LSAMP: variants seen among roughly 807,000 people sequenced by gnomAD.
LSAMP encodes the protein limbic system associated membrane protein.
In LSAMP, 7 loss-of-function variants were observed where a neutral mutation model predicts 38.6. The observed-to-expected ratio is 0.18, with a 90% CI of 0.10 to 0.34. The LOEUF is 0.34. Among genes scored for constraint, LSAMP ranks in the 10% least tolerant of loss-of-function variants. The pLI is 1.00. For synonymous variants in LSAMP, 154 were observed against 166.8 expected (o/e 0.92, Z 0.59); for missense variants, 313 against 420.0 (o/e 0.75, Z 2.23).
At chr3:115,872,591 G>A (rs1194066978) in intron 3 of LSAMP, among the ~76,000 whole-genome samples, 1 of 152,088 alleles carries the variant, frequency 6.6e-6, no homozygotes, top group Non-Finnish European at 1.5e-5. Flanking sequence ...CCCGAGAATG[G>A]AAGAATGGAA....
intron 1 of LSAMP, among the ~76,000 whole-genome samples, chr3:116,155,623 G>T: frequency 9.0e-6 from 1 of 110,976 alleles, no homozygotes; most frequent in Non-Finnish European, 2.1e-5. Flanking sequence ...ATACAAGAGG[G>T]TGTGTGTGTG....
At chr3:116,321,169 G>A (rs1051785833) in intron 1 of LSAMP, among the ~76,000 whole-genome samples, 1 of 152,146 alleles carries the variant, frequency 6.6e-6, no homozygotes, top group Non-Finnish European at 1.5e-5. Context: ...AGGAGTTCAA[G>A]ATCAGCCTGG....
At chr3:115,891,047 T>C (rs16824248) in intron 3 of LSAMP, among the ~76,000 whole-genome samples, 24,510 of 151,926 alleles carry the variant, frequency 0.16, 2,053 homozygotes, top group Middle Eastern at 0.21. Flanking sequence ...TGTACTATAC[T>C]TCTGCCTTCT....
At chr3:115,928,704 A>G (rs62271120) in intron 3 of LSAMP, among the ~76,000 whole-genome samples, 1 of 152,158 alleles carries the variant, frequency 6.6e-6, no homozygotes, top group African/African-American at 2.4e-5. Flanking sequence ...GCTGTAAAGG[A>G]AAAGGGTGAG....
At chr3:116,226,872 C>T (rs1475511872) in intron 1 of LSAMP, among the ~76,000 whole-genome samples, 4 of 152,328 alleles carry the variant, frequency 2.6e-5, no homozygotes, top group South Asian at 2.1e-4. Context: ...GCTCCTCACA[C>T]GCCACCACTG....
chr3:115,987,879 G>A (rs1180749035), intron 3 of LSAMP, among the ~76,000 whole-genome samples: 1 of 152,168 alleles, frequency 6.6e-6, no homozygotes, highest in Admixed American at 6.5e-5. Flanking sequence ...TCATTTCACA[G>A]CTAAAGTTCT....
chr3:116,340,998 C>T (rs1377228380), intron 1 of LSAMP, among the ~76,000 whole-genome samples: 1 of 151,950 alleles, frequency 6.6e-6, no homozygotes, highest in African/African-American at 2.4e-5. Flanking sequence ...GATACAATTA[C>T]TTATGTGGCA....
At chr3:115,930,250 G>C (rs1384756192) in intron 3 of LSAMP, among the ~76,000 whole-genome samples, 3 of 151,932 alleles carry the variant, frequency 2.0e-5, no homozygotes, top group African/African-American at 4.8e-5. Flanking sequence ...TTATTTTTGA[G>C]AGTCAGAATG....
In LSAMP at chr3:115,808,019, AGAAGAAATT is replaced by A. The variant is rs1441194387; in HGVS notation, c.*2289_*2297del. 5.3e-5 allele frequency: 8 copies of A among 151,954 alleles called. No homozygotes were observed. The highest frequency in any genetic ancestry group is 1.9e-4 in the African/African-American group (8 of 41,398). 9.4% of individuals were successfully genotyped at this position (151,954 alleles called of 1,614,324 possible). A position where few individuals can be genotyped will look rare whatever the true frequency, so the allele number is the denominator to read the frequency against. ...TCTAAAACAAACAATAAAATCCCTT[AGAAGAAATT>A]GAAGAAATTAACAATGCTACTTAGA... On this transcript the variant is annotated 3_prime_UTR_variant, in exon 7 of 7. Transcript: ENST00000490035.
intron 6 of LSAMP, among the ~76,000 whole-genome samples, chr3:115,822,362 CTTTTT>C (rs57335228): frequency 1.7e-5 from 2 of 120,862 alleles, no homozygotes; most frequent in Non-Finnish European, 1.8e-5. Flanking sequence ...TTCTTTCCTT[CTTTTT>C]TTTTTTTTTT....
intron 2 of LSAMP, among the ~76,000 whole-genome samples, chr3:116,073,366 C>T (rs147842223): frequency 0.015 from 2,265 of 152,110 alleles, 38 homozygotes; most frequent in Non-Finnish European, 0.02. Context: ...CCAGCTTTAT[C>T]CTTTTTGCTT....
chr3:115,964,862 C>G (rs1284253078), intron 3 of LSAMP, among the ~76,000 whole-genome samples: 2 of 151,964 alleles, frequency 1.3e-5, no homozygotes, highest in Non-Finnish European at 1.5e-5. Flanking sequence ...CATAAAATCA[C>G]AAAACATTAT....
At chr3:115,863,877 T>C (rs1326629185) in intron 3 of LSAMP, among the ~76,000 whole-genome samples, 2 of 152,276 alleles carry the variant, frequency 1.3e-5, no homozygotes, top group Non-Finnish European at 2.9e-5. Context: ...TTTTTCTATT[T>C]CTGGCATAAG....
intron 3 of LSAMP, among the ~76,000 whole-genome samples, chr3:115,959,180 G>A (rs1438589848): frequency 2.0e-5 from 3 of 152,104 alleles, no homozygotes; most frequent in Non-Finnish European, 1.5e-5. Context: ...GCCACTAAGG[G>A]CTTCCTTCAG....
chr3:116,407,621 A>G (rs1485920156), intron 1 of LSAMP, among the ~76,000 whole-genome samples: 1 of 152,086 alleles, frequency 6.6e-6, no homozygotes, highest in Admixed American at 6.6e-5. Flanking sequence ...GGGTTGTTCA[A>G]TCTTAAGAAA....
rs1933615782 is a variant in LSAMP, at chr3:115,805,764, C to A, written c.*4553G>T. On this transcript the variant is annotated 3_prime_UTR_variant, in exon 7 of 7. Coordinates refer to ENST00000490035, the MANE Select transcript of LSAMP (RefSeq NM_002338.5). ...ACATGCAAATGAGAATAGTTTACTTCTTTTCTGCTAGTATGCACATAAATG... is the reference window on the plus strand; with the variant it reads ...ACATGCAAATGAGAATAGTTTACTTATTTTCTGCTAGTATGCACATAAATG... 6.6e-6 allele frequency: 1 copy of A among 152,150 alleles called. No homozygotes were observed. The highest frequency in any genetic ancestry group is 1.5e-5 in the Non-Finnish European group (1 of 68,018). 9.4% of individuals were successfully genotyped at this position (152,150 alleles called of 1,614,324 possible). A position where few individuals can be genotyped will look rare whatever the true frequency, so the allele number is the denominator to read the frequency against.
chr3:115,975,663 T>C (rs1405995272), intron 3 of LSAMP, among the ~76,000 whole-genome samples: 1 of 152,182 alleles, frequency 6.6e-6, no homozygotes, highest in Non-Finnish European at 1.5e-5. Flanking sequence ...TATCCTACTT[T>C]TCTGACCACA....
chr3:116,358,018 G>T (rs2048249292), intron 1 of LSAMP, among the ~76,000 whole-genome samples: 1 of 151,916 alleles, frequency 6.6e-6, no homozygotes, highest in Non-Finnish European at 1.5e-5. Context: ...ATCTCTTTGG[G>T]TTTCCTCCTT....
intron 2 of LSAMP, 37 bp from the exon 3 acceptor site, chr3:116,019,677 T>A: frequency 6.2e-7 from 1 of 1,601,534 alleles, no homozygotes; most frequent in Non-Finnish European, 8.5e-7. Context: ...TGTAACCATG[T>A]CAGTAAGATT....
Sources: allele counts gnomAD v4.1 joint callset (sites outside exome capture counted in the v4.1 genomes callset), GRCh38; gene constraint gnomAD v4.1.1; transcripts MANE v1.5; gene names NCBI Gene and HGNC (gene_info 2026-07-23, HGNC 2026-07-21).